ACTA2: variants seen among roughly 807,000 people sequenced by gnomAD.
ACTA2 encodes the protein actin, aortic smooth muscle.
Under a neutral mutation model 39.5 loss-of-function variants are expected in ACTA2, and 12 were observed. The observed-to-expected ratio is 0.30, with a 90% CI of 0.19 to 0.49. The LOEUF (loss-of-function observed/expected upper bound fraction) is 0.49, where lower values mean the gene tolerates loss of function less well. ACTA2 is among the 20% of genes least tolerant of loss of function. ACTA2 has a pLI of 0.99. For synonymous variants in ACTA2, 158 were observed against 180.6 expected, an observed-to-expected ratio of 0.88 and a Z score of 1.00; for missense variants, 236 against 498.8, an observed-to-expected ratio of 0.47 and a Z score of 5.02.
At chr10:88,957,575 A>T (rs563533602), upstream of ACTA2, among the ~76,000 whole-genome samples, 7 of 152,188 alleles carry the variant, frequency 4.6e-5, no homozygotes, top group Non-Finnish European at 1.0e-4. Context: ...ATATGGAACA[A>T]TGGACTTTCC....
intron 4 of ACTA2, among the ~76,000 whole-genome samples, chr10:88,943,413 GTTCT>G (rs556537804): frequency 1.7e-4 from 26 of 152,112 alleles, no homozygotes; most frequent in Non-Finnish European, 3.5e-4. Context: ...AATTAACGGA[GTTCT>G]TTAAGGTCAC....
At chr10:88,968,767 T>G (rs546992325) in intron 1 of ACTA2, among the ~76,000 whole-genome samples, 50 of 152,208 alleles carry the variant, frequency 3.3e-4, no homozygotes, top group Admixed American at 9.8e-4. Flanking sequence ...GCTGTTGATA[T>G]AGGCATTTCT....
Position 88,990,709 on chromosome 10 carries a change from GT to G in ACTA2, c.-24+229del, listed in dbSNP as rs1847118974. ...ACGCTTCTGGGGAGTGAGGGAAGCG[GT>G]TTACGAGTGACTTGGCTGGAGCCTC... On this transcript the variant is annotated intron_variant, in intron 1 of 4. Coordinates refer to the ACTA2 transcript ENST00000415557. The surrounding 1 kb of genome is among the most constrained non-coding windows in gnomAD (Gnocchi z 4.9). 1.3e-6 allele frequency: 1 copy of G among 774,546 alleles called. No individual in the cohort carries two copies. The highest frequency in any genetic ancestry group is 2.0e-5 in the Admixed American group (1 of 50,538). 48.0% of individuals were successfully genotyped at this position (774,546 alleles called of 1,614,324 possible).
chr10:88,937,994 T>C (rs909940429), intron 8 of ACTA2, 67 bp downstream of exon 8: 4 of 1,581,568 alleles, frequency 2.5e-6, no homozygotes, highest in Non-Finnish European at 3.5e-6. Context: ...TCTGAAGAGT[T>C]CTTATCTGTG....
chr10:88,940,742 T>C (rs1000870931), intron 6 of ACTA2: 1 of 221,930 alleles, frequency 4.5e-6, no homozygotes, highest in Non-Finnish European at 9.2e-6. Flanking sequence ...CTATGTCAAG[T>C]ATTCCACATG....
chr10:88,935,226 G>T lies in ACTA2; in HGVS notation c.1131C>A (p.Phe377Leu). 6.2e-7 allele frequency: 1 copy of T among 1,613,168 alleles called. No individual in the cohort carries two copies. Among genetic ancestry groups the T allele is most frequent in the Non-Finnish European group, 8.5e-7 (1 of 1,179,760 alleles). The change falls in exon 9 of 9, where the codon TTC (phenylalanine) becomes TTA (leucine). Residue 377 changes from phenylalanine to leucine, a missense_variant. Transcript: ENST00000224784. ...CAGAGAGGAGCAGGAAAGTGTTTTA[G>T]AAGCATTTGCGGTGGACAATGGAAG... ...AGPSIVHRKC[F>L]
intron 1 of ACTA2, among the ~76,000 whole-genome samples, chr10:88,988,228 A>G (rs1015078775): frequency 2.2e-4 from 34 of 152,322 alleles, no homozygotes; most frequent in African/African-American, 7.9e-4. Flanking sequence ...GACAACTTGG[A>G]AGTACTATTA....
chr10:88,966,738 C>G (rs943125497), intron 1 of ACTA2, among the ~76,000 whole-genome samples: 1 of 152,202 alleles, frequency 6.6e-6, no homozygotes, highest in Non-Finnish European at 1.5e-5. Flanking sequence ...CCAGCCACCA[C>G]TTTTCAGGGC....
At chr10:88,989,246 T>C (rs182944920) in intron 1 of ACTA2, among the ~76,000 whole-genome samples, 1 of 152,298 alleles carries the variant, frequency 6.6e-6, no homozygotes, top group African/African-American at 2.4e-5. Flanking sequence ...ATTTTGTCAA[T>C]TGTCCTTTCC....
chr10:88,943,689 G>A lies in ACTA2; in HGVS notation c.369+108C>T, dbSNP rs11202909. 1,129 of 897,428 alleles carry A rather than the reference G, an allele frequency of 1.3e-3. 16 individuals carry two copies. The East Asian group carries it at 0.025, about 20-fold the overall frequency. The allele number at this position is 897,428 out of a possible 1,614,324, so 55.6% of individuals were successfully genotyped here. A position where few individuals can be genotyped will look rare whatever the true frequency, so the allele number is the denominator to read the frequency against. Reference sequence around the variant, plus strand: ...TGAGTTCACTGAAGGCTGTTAGTCTGTTGGTGGACTCCTAGCTCCGGCCTT... The same window carrying A: ...TGAGTTCACTGAAGGCTGTTAGTCTATTGGTGGACTCCTAGCTCCGGCCTT... On this transcript the variant is annotated intron_variant, in intron 4 of 8. Coordinates refer to ENST00000224784, the MANE Select transcript of ACTA2 (RefSeq NM_001613.4).
intron 6 of ACTA2, 114 bp downstream of exon 6, chr10:88,941,115 G>A: frequency 7.6e-7 from 1 of 1,320,038 alleles, no homozygotes; most frequent in Non-Finnish European, 1.1e-6. Context: ...TTAGAGCCAG[G>A]CCTTGCCATT....
chr10:88,936,694 C>T (rs940879030), intron 8 of ACTA2, among the ~76,000 whole-genome samples: 14 of 152,128 alleles, frequency 9.2e-5, no homozygotes, highest in African/African-American at 3.4e-4. Flanking sequence ...GCTATGCTTC[C>T]TGTACAGCCT....
chr10:88,969,024 A>G (rs7088326), intron 1 of ACTA2, among the ~76,000 whole-genome samples: 62,088 of 151,826 alleles, frequency 0.41, 14,185 homozygotes, highest in Non-Finnish European at 0.52. Flanking sequence ...TAGGTAGAAG[A>G]TCCTCCTAAA....
Position 88,980,065 on chromosome 10 carries a change from A to T in ACTA2, c.-24+10874T>A, listed in dbSNP as rs115990341. On this transcript the variant is annotated intron_variant, in intron 1 of 4. Transcript: ENST00000415557. ...CGAAAGATAAAGTGGACTTCTTTCC[A>T]CTTGAAATTTTATTTCATTTATTAA... is the stretch of plus-strand genomic sequence containing the variant. Among the ~76,000 whole-genome samples, 654 of 152,356 alleles carry T rather than the reference A, an allele frequency of 4.3e-3. 4 individuals are homozygous for T. The highest frequency in any genetic ancestry group is 0.015 in the African/African-American group (624 of 41,578).
intron 1 of ACTA2, among the ~76,000 whole-genome samples, chr10:88,979,249 A>G (rs1005387810): frequency 6.6e-6 from 1 of 151,850 alleles, no homozygotes; most frequent in Non-Finnish European, 1.5e-5. Flanking sequence ...GAAAGTGAGT[A>G]CTGAGACAAA....
chr10:88,967,447 CGAT>C (rs1274813326), intron 1 of ACTA2, among the ~76,000 whole-genome samples: 3 of 152,102 alleles, frequency 2.0e-5, no homozygotes, highest in Non-Finnish European at 4.4e-5. Flanking sequence ...CATCAGGTGG[CGAT>C]GAGGACAGAT....
Position 88,938,086 on chromosome 10 carries a change from A to C in ACTA2, c.965T>G (p.Leu322Arg). The change falls in exon 8 of 9, where the codon CTA (leucine) becomes CGA (arginine). Residue 322 changes from leucine (L) to arginine (R), a missense_variant. Coordinates refer to ENST00000224784, the MANE Select transcript of ACTA2 (RefSeq NM_001613.4). Reference sequence around the variant, plus strand: ...CTTGATCTTCATGGTGCTGGGTGCTAGGGCCGTGATCTCCTTCTGCATTCG... The same window carrying C: ...CTTGATCTTCATGGTGCTGGGTGCTCGGGCCGTGATCTCCTTCTGCATTCG... ...ADRMQKEITA[L>R]APSTMKIKII... is the part of the protein sequence containing the mutation. The C allele has an allele frequency of 6.2e-7, 1 of 1,613,966 alleles. No individual in the cohort carries two copies. Among genetic ancestry groups the C allele is most frequent in the Non-Finnish European group, 8.5e-7 (1 of 1,179,908 alleles).
chr10:88,946,275 CTTTT>C (rs35702314), intron 3 of ACTA2, among the ~76,000 whole-genome samples: 1 of 117,086 alleles, frequency 8.5e-6, no homozygotes, highest in African/African-American at 3.3e-5. Context: ...TTAATTAAAC[CTTTT>C]TTTTTTTTTT....
upstream of ACTA2, among the ~76,000 whole-genome samples, chr10:88,953,682 C>T (rs1354833757): frequency 1.3e-5 from 2 of 152,126 alleles, no homozygotes; most frequent in African/African-American, 2.4e-5. Flanking sequence ...TCTCCATAAT[C>T]CCATGTCCAG....
Sources: gnomAD v4.1 joint callset for allele counts (sites outside exome capture counted in the v4.1 genomes callset) on GRCh38, gnomAD v4.1.1 for gene constraint, Gnocchi (gnomAD v3.1) non-coding constraint, MANE v1.5 for transcripts, NCBI Gene and HGNC (gene_info 2026-07-23, HGNC 2026-07-21) for gene names.